Variants in ARHGAP6 observed in about 807,000 individuals in gnomAD.
ARHGAP6 encodes the protein Rho GTPase activating protein 6.
A neutral mutation model predicts 55.7 loss-of-function variants in ARHGAP6; 16 were observed. That is an observed-to-expected ratio of 0.29 (90% CI 0.19 to 0.44). The LOEUF (loss-of-function observed/expected upper bound fraction) is 0.44. Among genes scored for constraint, ARHGAP6 ranks in the 20% least tolerant of loss-of-function variants. The pLI is 1.00. For synonymous variants in ARHGAP6, 382 were observed against 360.9 expected (o/e 1.06, Z -0.66); for missense variants, 698 against 808.9 (o/e 0.86, Z 1.66).
At chrX:11,340,338 A>C (rs887848959) in intron 1 of ARHGAP6, among the ~76,000 whole-genome samples, 2 of 111,545 alleles carry the variant, frequency 1.8e-5, no homozygotes, top group Non-Finnish European at 3.8e-5. Context: ...TGATTACCCC[A>C]TGTGTCCCCA....
Position 11,139,466 on chromosome X carries a change from C to A in ARHGAP6, c.2322G>T (p.Gly774=). 1 of 1,178,035 alleles carries A rather than the reference C, an allele frequency of 8.5e-7. No individual in the cohort carries two copies. Among genetic ancestry groups the A allele is most frequent in the East Asian group, 3.0e-5 (1 of 33,254 alleles). Residue 774 remains glycine, a synonymous_variant, in exon 13 of 13, where the codon GGG becomes GGT. Coordinates refer to ENST00000337414, the MANE Select transcript of ARHGAP6 (RefSeq NM_013427.3). The stretch of plus-strand genomic sequence containing the variant: ...ACCGAGGCCAATTTGGGGACAGGTT[C>A]CCTTGAGAAAGGGAGCAGGGCCCCG... The part of the protein sequence containing the change: ...LRAGPCSLSQ[G]NLSPNWPRWQ...
At chrX:11,570,335 G>T (rs1159329306) in intron 1 of ARHGAP6, among the ~76,000 whole-genome samples, 1 of 111,614 alleles carries the variant, frequency 9.0e-6, no homozygotes, top group Admixed American at 9.5e-5. Context: ...CTCATCTGAA[G>T]AATGAACATA....
At chrX:11,214,420 G>A (rs1403539994) in intron 2 of ARHGAP6, among the ~76,000 whole-genome samples, 1 of 112,728 alleles carries the variant, frequency 8.9e-6, no homozygotes, top group Non-Finnish European at 1.9e-5. Flanking sequence ...GGGCATGGGA[G>A]GGAGCCTGGG....
At chrX:11,264,067 G>A (rs1438385446) in intron 1 of ARHGAP6, among the ~76,000 whole-genome samples, 7 of 111,017 alleles carry the variant, frequency 6.3e-5, no homozygotes, top group South Asian at 7.7e-4. Flanking sequence ...CTGCCCTTCC[G>A]TAAAGGTAAC....
chrX:11,255,919 G>A (rs998281812), intron 1 of ARHGAP6, among the ~76,000 whole-genome samples: 2 of 112,073 alleles, frequency 1.8e-5, no homozygotes, highest in Non-Finnish European at 3.8e-5. Context: ...CCTTACTAAA[G>A]ACTTCTTGTG....
At chrX:11,580,915 C>A (rs1050804477) in intron 1 of ARHGAP6, among the ~76,000 whole-genome samples, 3 of 111,929 alleles carry the variant, frequency 2.7e-5, no homozygotes, top group African/African-American at 9.7e-5. Flanking sequence ...AAGTAGGGTC[C>A]ATGGACTACG....
At chrX:11,491,433 A>G (rs2050566516) in intron 1 of ARHGAP6, among the ~76,000 whole-genome samples, 1 of 107,290 alleles carries the variant, frequency 9.3e-6, no homozygotes, top group African/African-American at 3.4e-5. Flanking sequence ...CTCATTGTTC[A>G]ATTCCCACCT....
At chrX:11,225,370 G>A (rs1487962418) in intron 2 of ARHGAP6, among the ~76,000 whole-genome samples, 1 of 111,318 alleles carries the variant, frequency 9.0e-6, no homozygotes. Context: ...TTAACTATCT[G>A]TGGTCAACAA....
At chrX:11,343,865 T>C (rs2048736803) in intron 1 of ARHGAP6, among the ~76,000 whole-genome samples, 2 of 112,199 alleles carry the variant, frequency 1.8e-5, no homozygotes, top group African/African-American at 3.2e-5. Context: ...GTGTGTTTGC[T>C]TGCTTGTTTT....
At chrX:11,284,166 C>T (rs2047893475) in intron 1 of ARHGAP6, among the ~76,000 whole-genome samples, 2 of 111,541 alleles carry the variant, frequency 1.8e-5, no homozygotes, top group South Asian at 7.6e-4. Context: ...CAACAGTTCT[C>T]CGATTTAAGC....
At chrX:11,401,830 G>A (rs911481274) in intron 1 of ARHGAP6, among the ~76,000 whole-genome samples, 1 of 112,411 alleles carries the variant, frequency 8.9e-6, no homozygotes, top group Non-Finnish European at 1.9e-5. Flanking sequence ...CCATATGATT[G>A]TATATATTTC....
At chrX:11,644,647 G>C (rs937182309) in intron 1 of ARHGAP6, among the ~76,000 whole-genome samples, 1 of 110,809 alleles carries the variant, frequency 9.0e-6, no homozygotes, top group Admixed American at 9.6e-5. Flanking sequence ...ACTCATTAAA[G>C]ATACCACCTA....
rs769006182 is a variant in ARHGAP6 at position 11,137,723 on chromosome X, C to T, written c.*1140G>A. On this transcript the variant is annotated 3_prime_UTR_variant, in exon 13 of 13. Coordinates refer to ENST00000337414, the MANE Select transcript of ARHGAP6 (RefSeq NM_013427.3). ...AATTGCATAAAATACTGAAGCGTAT[C>T]GCCATCTGCTGGTCAAAAATAGTTA... The T allele has an allele frequency of 1.8e-5, 2 of 111,709 alleles. No individual in the cohort carries two copies. Among genetic ancestry groups the T allele is most frequent in the Admixed American group, 1.9e-4 (2 of 10,482 alleles). 9.2% of individuals were successfully genotyped at this position (111,709 alleles called of 1,213,427 possible).
chrX:11,168,578 G>A (rs2046046868), intron 9 of ARHGAP6, among the ~76,000 whole-genome samples: 1 of 111,682 alleles, frequency 9.0e-6, no homozygotes, highest in Admixed American at 9.5e-5. Context: ...GATAAGTGTA[G>A]ACAAACTACT....
intron 1 of ARHGAP6, among the ~76,000 whole-genome samples, chrX:11,355,010 A>AGAAATTT (rs2147679011): frequency 8.9e-6 from 1 of 112,150 alleles, no homozygotes; most frequent in East Asian, 2.8e-4. Context: ...TCAAGAAATT[A>AGAAATTT]GAAATTTGCA....
intron 1 of ARHGAP6, among the ~76,000 whole-genome samples, chrX:11,373,079 TCACA>T (rs1207119616): frequency 3.8e-5 from 3 of 79,498 alleles, no homozygotes; most frequent in African/African-American, 9.8e-5. Flanking sequence ...TCTATTTTTT[TCACA>T]CACACACACA....
intron 1 of ARHGAP6, among the ~76,000 whole-genome samples, chrX:11,661,006 C>T (rs906127468): frequency 1.8e-5 from 2 of 111,807 alleles, no homozygotes; most frequent in Admixed American, 9.5e-5. Context: ...TCTCTGCATT[C>T]CTAGTACCTA....
intron 1 of ARHGAP6, among the ~76,000 whole-genome samples, chrX:11,567,566 A>AAAATATATATATATAT (rs1440758737): frequency 8.3e-5 from 7 of 84,407 alleles, no homozygotes; most frequent in African/African-American, 3.3e-4. Flanking sequence ...AAAAAAAAAA[A>AAAATATATATATATAT]ATATATATAT....
intron 1 of ARHGAP6, among the ~76,000 whole-genome samples, chrX:11,587,012 A>T (rs943798257): frequency 9.0e-6 from 1 of 111,648 alleles, no homozygotes; most frequent in Non-Finnish European, 1.9e-5. Context: ...TGATTTTTAT[A>T]CGTTGATTTT....
Sources: allele counts gnomAD v4.1 joint callset (sites outside exome capture counted in the v4.1 genomes callset), GRCh38; gene constraint gnomAD v4.1.1; transcripts MANE v1.5; gene names NCBI Gene and HGNC (gene_info 2026-07-23, HGNC 2026-07-21).